Variants in RO60 observed in about 807,000 individuals in gnomAD.
RO60 encodes RNA-binding protein RO60.
In RO60, 20 loss-of-function variants were observed where a neutral mutation model predicts 55.3. The ratio of observed to expected loss-of-function variants is 0.36; its 90% CI spans 0.25 to 0.53. The LOEUF (loss-of-function observed/expected upper bound fraction) is 0.53. RO60 is among the 20% of genes least tolerant of loss of function. RO60 has a pLI of 0.92. For synonymous variants in RO60, 213 were observed against 213.6 expected (o/e 1.00, Z 0.02); for missense variants, 558 against 646.6 (o/e 0.86, Z 1.49).
intron 6 of RO60, among the ~76,000 whole-genome samples, 160 bp downstream of exon 6, chr1:193,081,640 G>A (rs1035831480): frequency 3.9e-5 from 6 of 152,006 alleles, no homozygotes; most frequent in African/African-American, 1.4e-4. Context: ...TGTAAAGCCA[G>A]AGTGTTAAGT....
At chr1:193,075,768 T>C in intron 2 of RO60, 52 bp from the exon 3 acceptor site, 3 of 1,377,174 alleles carry the variant, frequency 2.2e-6, no homozygotes, top group Non-Finnish European at 3.0e-6. Flanking sequence ...ACATGTTCTG[T>C]TTTTTTACTT....
rs991170734 is a variant in RO60, at chr1:193,090,318, G to C, written c.*5587G>C. On this transcript the variant is annotated 3_prime_UTR_variant, in exon 9 of 9. Transcript: ENST00000400968. ...GGAATATTATATCAACAAACATATT[G>C]AAACTTGGCTTTATTTGTAACGTAA... 8.6e-5 allele frequency: 13 copies of C among 151,934 alleles called. No homozygotes were observed. Among genetic ancestry groups the C allele is most frequent in the African/African-American group, 2.7e-4 (11 of 41,362 alleles). The allele number at this position is 151,934 out of a possible 1,614,324, so 9.4% of individuals were successfully genotyped here.
At chr1:193,083,170 A>G (rs1161118353) in intron 8 of RO60, among the ~76,000 whole-genome samples, 1 of 152,236 alleles carries the variant, frequency 6.6e-6, no homozygotes, top group Admixed American at 6.5e-5. Context: ...AAAAGTATTG[A>G]TTACACACAT....
At position 193,083,743 on chromosome 1, in the gene RO60, AGTTTT is replaced by A. The variant is rs536426343; in HGVS notation, c.1465-815_1465-811del. 1.3e-3 allele frequency among the ~76,000 whole-genome samples: 203 copies of A among 152,218 alleles called. 1 individual carries two copies. The highest frequency in any genetic ancestry group is 4.7e-3 in the African/African-American group (195 of 41,540). On this transcript the variant is annotated intron_variant, in intron 8 of 8. Transcript: ENST00000400968. The stretch of plus-strand genomic sequence containing the variant: ...GTTTGAAAGCTGCAGGTAAGGGAAT[AGTTTT>A]GTTTTGTTTTGTTTTGTTTTTTTAA...
In RO60 at chr1:193,091,048, T is replaced by C. The variant is rs1446026012; in HGVS notation, c.*6317T>C. On this transcript the variant is annotated 3_prime_UTR_variant, in exon 9 of 9. Coordinates refer to ENST00000400968, the MANE Select transcript of RO60 (RefSeq NM_001173524.2). ...TGATAGTTTAAGGTTTTTTATTGTT[T>C]TCTATAACAAGTTATCCAACAGGTT... 6.6e-6 allele frequency: 1 copy of C among 152,292 alleles called. No homozygotes were observed. The highest frequency in any genetic ancestry group is 1.5e-5 in the Non-Finnish European group (1 of 68,082). 9.4% of individuals were successfully genotyped at this position (152,292 alleles called of 1,614,324 possible). A position where few individuals can be genotyped will look rare whatever the true frequency, so the allele number is the denominator to read the frequency against.
At chr1:193,060,103 T>G in intron 1 of RO60, 1 of 1,223,036 alleles carries the variant, frequency 8.2e-7, no homozygotes, top group Non-Finnish European at 1.0e-6. Context: ...CTCTTTCTCC[T>G]CCTTCTCCCG....
rs1674639921 is a variant in RO60, at chr1:193,086,738, C to G, written c.*2007C>G. 6.6e-6 allele frequency: 1 copy of G among 151,940 alleles called. No homozygotes were observed. The highest frequency in any genetic ancestry group is 1.5e-5 in the Non-Finnish European group (1 of 67,966). The allele number at this position is 151,940 out of a possible 1,614,324, so 9.4% of individuals were successfully genotyped here. A position where few individuals can be genotyped will look rare whatever the true frequency, so the allele number is the denominator to read the frequency against. The stretch of plus-strand genomic sequence containing the variant: ...GTTAATATTAAATCCATCAAGGATA[C>G]AAGATTGGATGGATATGACCTTTCT... On this transcript the variant is annotated 3_prime_UTR_variant, in exon 9 of 9. Transcript: ENST00000400968.
At chr1:193,084,079 T>G (rs1335824334) in intron 8 of RO60, among the ~76,000 whole-genome samples, 1 of 152,226 alleles carries the variant, frequency 6.6e-6, no homozygotes, top group East Asian at 1.9e-4. Context: ...ATTCAGTGAT[T>G]GTTGGTTTTT....
chr1:193,091,583 T>C (rs1247500863), downstream of RO60: 16 of 1,229,498 alleles, frequency 1.3e-5, no homozygotes, highest in Non-Finnish European at 1.8e-5. Flanking sequence ...AATATATTAA[T>C]GTATTACATT....
In RO60 at chr1:193,085,287, G is replaced by T. The variant is rs1674576173; in HGVS notation, c.*556G>T. ...CAAATTCCTTTCAGAGTTTTACTAA[G>T]ATCACACAAATAACAGCTTTCTTAT... On this transcript the variant is annotated 3_prime_UTR_variant, in exon 9 of 9. Transcript: ENST00000400968. 1 of 1,088,382 alleles carries T rather than the reference G, an allele frequency of 9.2e-7. No homozygotes were observed. Among genetic ancestry groups the T allele is most frequent in the African/African-American group, 1.6e-5 (1 of 61,456 alleles). The allele number at this position is 1,088,382 out of a possible 1,614,324, so 67.4% of individuals were successfully genotyped here.
At chr1:193,077,216 TTAAGAG>T (rs1227552976) in intron 5 of RO60, among the ~76,000 whole-genome samples, 166 bp downstream of exon 5, 1 of 152,344 alleles carries the variant, frequency 6.6e-6, no homozygotes, top group East Asian at 1.9e-4. Flanking sequence ...TCGTGTAAGT[TTAAGAG>T]TAAAGTATTT....
Position 193,082,184 on chromosome 1 carries a change from A to G in RO60, c.1204-2A>G. The G allele has an allele frequency of 1.2e-6, 2 of 1,600,484 alleles. No individual in the cohort carries two copies. Among genetic ancestry groups the G allele is most frequent in the Non-Finnish European group, 1.7e-6 (2 of 1,171,514 alleles). ...GAAAATTACTGCCATTGAATTTTTCAGGTTGTCACACGAACAGAAAAAGAT... is the reference window on the plus strand; with the variant it reads ...GAAAATTACTGCCATTGAATTTTTCGGGTTGTCACACGAACAGAAAAAGAT... On this transcript the variant is annotated splice_acceptor_variant, in intron 6 of 8. Coordinates refer to ENST00000400968, the MANE Select transcript of RO60 (RefSeq NM_001173524.2). LOFTEE classifies it high-confidence loss of function.
Position 193,059,729 on chromosome 1 carries a change from C to G in RO60, c.-69C>G, listed in dbSNP as rs1486680371. Reference sequence around the variant, plus strand: ...TGTCGTTTCCCAGCGCTGCGCAGGACTTCTCCTGGCGGCGCTGCGGATCCA... The same window carrying G: ...TGTCGTTTCCCAGCGCTGCGCAGGAGTTCTCCTGGCGGCGCTGCGGATCCA... On this transcript the variant is annotated 5_prime_UTR_variant, in exon 1 of 9. Coordinates refer to ENST00000400968, the MANE Select transcript of RO60 (RefSeq NM_001173524.2). This position sits in a 1 kb window ranked among gnomAD's most constrained non-coding sequence, Gnocchi z 4.9. The G allele has an allele frequency of 7.4e-7, 1 of 1,353,916 alleles. No individual in the cohort carries two copies. The highest frequency in any genetic ancestry group is 9.8e-7 in the Non-Finnish European group (1 of 1,016,336). 83.9% of individuals were successfully genotyped at this position (1,353,916 alleles called of 1,614,324 possible). A position where few individuals can be genotyped will look rare whatever the true frequency, so the allele number is the denominator to read the frequency against.
At chr1:193,080,223 C>G (rs985590972) in intron 5 of RO60, among the ~76,000 whole-genome samples, 2 of 151,840 alleles carry the variant, frequency 1.3e-5, no homozygotes, top group Non-Finnish European at 2.9e-5. Context: ...TACTTCACAT[C>G]TAGTTGGATA....
chr1:193,083,370 A>C (rs1284716286), intron 8 of RO60, among the ~76,000 whole-genome samples: 1 of 152,216 alleles, frequency 6.6e-6, no homozygotes, highest in African/African-American at 2.4e-5. Flanking sequence ...TTAAAGCTAT[A>C]ATCTATGCTC....
Position 193,085,216 on chromosome 1 carries a change from TA to T in RO60, c.*496del, listed in dbSNP as rs567626813. 5.1e-3 allele frequency: 4,628 copies of T among 908,644 alleles called. No homozygotes were observed. The highest frequency in any genetic ancestry group is 0.017 in the East Asian group (382 of 22,576). 56.3% of individuals were successfully genotyped at this position (908,644 alleles called of 1,614,324 possible). A position where few individuals can be genotyped will look rare whatever the true frequency, so the allele number is the denominator to read the frequency against. ...TCTGTAAACTTTTATACCAAGGGGG[TA>T]AAAAAAAAAACTAAGGCATTTGATT... On this transcript the variant is annotated 3_prime_UTR_variant, in exon 9 of 9. Transcript: ENST00000400968.
At chr1:193,079,846 G>A (rs1203447195) in intron 5 of RO60, among the ~76,000 whole-genome samples, 1 of 151,762 alleles carries the variant, frequency 6.6e-6, no homozygotes, top group Non-Finnish European at 1.5e-5. Flanking sequence ...CATGAAAAGG[G>A]CCAGGTGCAG....
chr1:193,069,780 A>T, intron 2 of RO60, 146 bp downstream of exon 2: 1 of 680,120 alleles, frequency 1.5e-6, no homozygotes, highest in Non-Finnish European at 2.4e-6. Context: ...AATATATTTA[A>T]TGCCTTCCTG....
chr1:193,073,122 G>A (rs1175281757), intron 2 of RO60, among the ~76,000 whole-genome samples: 3 of 152,134 alleles, frequency 2.0e-5, no homozygotes, highest in South Asian at 2.1e-4. Flanking sequence ...CATGGCCAGC[G>A]CAATTACAGA....
Sources: gnomAD v4.1 joint callset for allele counts (sites outside exome capture counted in the v4.1 genomes callset) on GRCh38, gnomAD v4.1.1 for gene constraint, Gnocchi (gnomAD v3.1) non-coding constraint, MANE v1.5 for transcripts, NCBI Gene and HGNC (gene_info 2026-07-23, HGNC 2026-07-21) for gene names.